The following ANKRD30A variants were observed in gnomAD, a reference collection of about 807,000 sequenced individuals.
ANKRD30A encodes ankyrin repeat domain 30A.
ANKRD30A carries 170 observed loss-of-function variants against 166.3 expected under a neutral mutation model. The ratio of observed to expected loss-of-function variants is 1.02; its 90% confidence interval spans 0.90 to 1.16. ANKRD30A has a LOEUF of 1.16. ANKRD30A is among the 50% of genes most tolerant of loss of function. ANKRD30A has a pLI of 0.00. For synonymous variants in ANKRD30A, 564 were observed against 508.9 expected (o/e 1.11, Z -1.46); for missense variants, 1,630 against 1,518.0 (o/e 1.07, Z -1.23).
intron 27 of ANKRD30A, among the ~76,000 whole-genome samples, chr10:37,193,867 T>A (rs12355633): frequency 0.041 from 6,304 of 152,146 alleles, 224 homozygotes; most frequent in South Asian, 0.061. Flanking sequence ...GAGCCTGAAT[T>A]AGTTCTTGTT....
intron 12 of ANKRD30A, among the ~76,000 whole-genome samples, chr10:37,152,664 CAA>C (rs574006306): frequency 8.2e-4 from 125 of 152,150 alleles, no homozygotes; most frequent in African/African-American, 3.0e-3. Context: ...AGTATAATAA[CAA>C]GAGTATTGGT....
rs371192898 is a variant in ANKRD30A, at chr10:37,231,349, T to C, written c.4186-112T>C. The C allele has an allele frequency of 1.4e-4, 113 of 789,258 alleles. No homozygotes were observed. The African/African-American group carries it at 2.0e-3, about 14-fold the overall frequency. The allele number at this position is 789,258 out of a possible 1,614,324, so 48.9% of individuals were successfully genotyped here. A position where few individuals can be genotyped will look rare whatever the true frequency, so the allele number is the denominator to read the frequency against. ...TCTTCATTGTTAAAGCACGGCTTAA[T>C]GGGAAATGTTATTTATTCTTATAGA... On this transcript the variant is annotated intron_variant, in intron 34 of 35. Transcript: ENST00000361713.
chr10:37,235,469 A>G (rs1843631294), downstream of ANKRD30A, among the ~76,000 whole-genome samples: 1 of 152,194 alleles, frequency 6.6e-6, no homozygotes, highest in African/African-American at 2.4e-5. Flanking sequence ...ATGGGAGTGC[A>G]TGATTACTGT....
intron 9 of ANKRD30A, 32 bp from the exon 10 acceptor site, chr10:37,149,619 A>G (rs376577847): frequency 3.7e-6 from 6 of 1,606,288 alleles, no homozygotes; most frequent in Non-Finnish European, 4.3e-6. Context: ...ATACTTACTT[A>G]TGATTGATGA....
the ANKRD30A span, among the ~76,000 whole-genome samples, chr10:37,242,318 C>T: frequency 2.0e-5 from 3 of 152,180 alleles, no homozygotes; most frequent in East Asian, 5.8e-4. Flanking sequence ...TGCATCCTAT[C>T]ATTGGACCAC....
At chr10:37,142,356 G>T in intron 7 of ANKRD30A, 66 bp downstream of exon 7, 3 of 1,419,988 alleles carry the variant, frequency 2.1e-6, no homozygotes, top group South Asian at 2.8e-5. Flanking sequence ...AAAAAAGTGT[G>T]ATATGGGAGT....
chr10:37,162,093 A>G (rs143458481), intron 15 of ANKRD30A, among the ~76,000 whole-genome samples: 1 of 152,296 alleles, frequency 6.6e-6, no homozygotes, highest in Admixed American at 6.5e-5. Context: ...TCAGACAGCT[A>G]AAGTAGAGGA....
chr10:37,233,444 A>G (rs1843540664), downstream of ANKRD30A, among the ~76,000 whole-genome samples: 1 of 152,188 alleles, frequency 6.6e-6, no homozygotes, highest in Admixed American at 6.5e-5. Flanking sequence ...ATTTTACAAG[A>G]TAATGAAAAC....
chr10:37,255,615 T>C, the ANKRD30A span, among the ~76,000 whole-genome samples: 1 of 152,176 alleles, frequency 6.6e-6, no homozygotes, highest in Admixed American at 6.5e-5. Context: ...TGAAACTCTG[T>C]AGTCATTAAG....
intron 18 of ANKRD30A, among the ~76,000 whole-genome samples, chr10:37,166,070 T>G (rs1181649159): frequency 6.6e-6 from 1 of 152,154 alleles, no homozygotes; most frequent in Non-Finnish European, 1.5e-5. Flanking sequence ...TTGCTTATTT[T>G]AAGCCCCTGT....
At chr10:37,144,845 T>C in intron 7 of ANKRD30A, 150 bp from the exon 8 acceptor site, 1 of 497,536 alleles carries the variant, frequency 2.0e-6, no homozygotes, top group Non-Finnish European at 3.5e-6. Context: ...ACCATTTGAC[T>C]ATAGAAGTGG....
rs1435768678 is a variant in ANKRD30A, at chr10:37,158,158, A to G, written c.1799-234A>G. On this transcript the variant is annotated intron_variant, in intron 13 of 35. Transcript: ENST00000361713. ...TATTGTCACCTTAAATATATTTTCA[A>G]TGTTGAAATCCTCACAGCATGTTTG... is the stretch of plus-strand genomic sequence containing the variant. 3.9e-5 allele frequency among the ~76,000 whole-genome samples: 6 copies of G among 152,080 alleles called. No homozygotes were observed. In the South Asian group the frequency reaches 6.2e-4, roughly 16 times the overall value.
At chr10:37,257,289 T>C in the ANKRD30A span, among the ~76,000 whole-genome samples, 1 of 152,022 alleles carries the variant, frequency 6.6e-6, no homozygotes, top group South Asian at 2.1e-4. Context: ...CTCTCTTTTC[T>C]TCTTTATTGG....
At chr10:37,156,793 T>C (rs1258334482) in intron 13 of ANKRD30A, among the ~76,000 whole-genome samples, 1 of 152,218 alleles carries the variant, frequency 6.6e-6, no homozygotes, top group African/African-American at 2.4e-5. Flanking sequence ...TTTAAAGATA[T>C]TAATGAATAG....
chr10:37,256,515 C>T, the ANKRD30A span, among the ~76,000 whole-genome samples: 2 of 152,182 alleles, frequency 1.3e-5, no homozygotes, highest in African/African-American at 4.8e-5. Flanking sequence ...ACTGCAAGCT[C>T]TATAAAGACA....
chr10:37,224,177 C>T (rs773378125), intron 34 of ANKRD30A, among the ~76,000 whole-genome samples: 4 of 151,180 alleles, frequency 2.6e-5, no homozygotes, highest in Non-Finnish European at 4.4e-5. Context: ...GTCAACTGCT[C>T]TTTTCATTAT....
Position 37,153,520 on chromosome 10 carries a change from TCATTACTAGGATTTATC to T in ANKRD30A, c.1708-47_1708-31del. 3.1e-6 allele frequency: 5 copies of T among 1,597,048 alleles called. No homozygotes were observed. In the South Asian group the frequency reaches 5.7e-5, roughly 18 times the overall value. On this transcript the variant is annotated intron_variant, in intron 12 of 35. Transcript: ENST00000361713. ...TTTAATTAGGAAATTTTGATACTCT[TCATTACTAGGATTTATC>T]CATTGAAATTATTTATTGCTATTAC... is the stretch of plus-strand genomic sequence containing the variant.
chr10:37,167,732 G>C (rs546092215), intron 19 of ANKRD30A, among the ~76,000 whole-genome samples: 5 of 151,658 alleles, frequency 3.3e-5, no homozygotes, highest in African/African-American at 4.9e-5. Context: ...TCCAGTATAT[G>C]GGTATGAAAA....
chr10:37,198,627 C>G (rs1443510894), intron 29 of ANKRD30A, among the ~76,000 whole-genome samples: 2 of 151,998 alleles, frequency 1.3e-5, no homozygotes, highest in East Asian at 1.9e-4. Flanking sequence ...ATCTCTGAAA[C>G]TATCCAGGGT....
Sources: gnomAD v4.1 joint callset for allele counts (sites outside exome capture counted in the v4.1 genomes callset) on GRCh38, gnomAD v4.1.1 for gene constraint, MANE v1.5 for transcripts, NCBI Gene and HGNC (gene_info 2026-07-23, HGNC 2026-07-21) for gene names.